ACTN4: variants seen among roughly 807,000 people sequenced by gnomAD.
The protein encoded by ACTN4 is actinin alpha 4, also known as alpha-actinin-4.
In ACTN4, 18 loss-of-function variants were observed where a neutral mutation model predicts 114.2. The observed-to-expected ratio is 0.16, with a 90% CI of 0.11 to 0.23. The LOEUF (loss-of-function observed/expected upper bound fraction) is 0.23. Among genes scored for constraint, ACTN4 ranks in the 10% least tolerant of loss-of-function variants. ACTN4 has a pLI of 1.00. For missense variants in ACTN4, 722 were observed against 1,262.9 expected (o/e 0.57, Z 6.49); for synonymous variants, 515 against 506.3 (o/e 1.02, Z -0.23).
intron 1 of ACTN4, among the ~76,000 whole-genome samples, chr19:38,678,237 G>A (rs1272041282): frequency 6.6e-6 from 1 of 152,190 alleles, no homozygotes; most frequent in African/African-American, 2.4e-5. Flanking sequence ...TGGCTAAAAC[G>A]CTGTAGACCT....
chr19:38,728,845 G>T, intron 19 of ACTN4, 151 bp from the exon 20 acceptor site: 1 of 1,002,712 alleles, frequency 1.0e-6, no homozygotes, highest in Non-Finnish European at 1.5e-6. Context: ...CCGGGGCCAA[G>T]GCTGCTGGAG....
chr19:38,661,501 C>A (rs1976885031), intron 1 of ACTN4, among the ~76,000 whole-genome samples: 1 of 152,168 alleles, frequency 6.6e-6, no homozygotes, highest in South Asian at 2.1e-4. Context: ...TCCTTTGGTC[C>A]CATCAAGAGG....
At chr19:38,687,121 G>A (rs1411227476) in intron 1 of ACTN4, among the ~76,000 whole-genome samples, 9 of 151,890 alleles carry the variant, frequency 5.9e-5, no homozygotes, top group Non-Finnish European at 5.9e-5. Context: ...GTGCCACCAC[G>A]TCTGGCTAAT....
intron 17 of ACTN4, 28 bp from the exon 18 acceptor site, chr19:38,726,929 C>T (rs1432890288): frequency 6.2e-7 from 1 of 1,612,942 alleles, no homozygotes; most frequent in African/African-American, 1.3e-5. Flanking sequence ...AGCACCCGGC[C>T]CACGATCACG....
intron 3 of ACTN4, among the ~76,000 whole-genome samples, chr19:38,703,522 G>T (rs1239137301): frequency 6.6e-6 from 1 of 152,168 alleles, no homozygotes; most frequent in Non-Finnish European, 1.5e-5. Context: ...CTAAACAGGC[G>T]TGAGCCACCA....
At chr19:38,704,135 A>G (rs1203184973) in intron 3 of ACTN4, among the ~76,000 whole-genome samples, 1 of 152,074 alleles carries the variant, frequency 6.6e-6, no homozygotes, top group Non-Finnish European at 1.5e-5. Flanking sequence ...ACATAATAAG[A>G]CCCAGCCTCT....
chr19:38,674,352 C>T (rs944055505), intron 1 of ACTN4, among the ~76,000 whole-genome samples: 8 of 152,098 alleles, frequency 5.3e-5, no homozygotes, highest in Non-Finnish European at 4.4e-5. Context: ...CCAGAATGTG[C>T]CGGTAGCGAG....
At chr19:38,652,692 A>G (rs997590187) in intron 1 of ACTN4, among the ~76,000 whole-genome samples, 12 of 151,964 alleles carry the variant, frequency 7.9e-5, no homozygotes, top group African/African-American at 2.9e-4. Context: ...TGTGGGGGGG[A>G]AAGTTCAGTG....
intron 1 of ACTN4, among the ~76,000 whole-genome samples, chr19:38,690,248 G>A (rs1474747118): frequency 1.3e-5 from 2 of 152,198 alleles, no homozygotes; most frequent in South Asian, 2.1e-4. Context: ...TTTGGCTTGA[G>A]CTGAGCTTTC....
rs549485261 is a variant in ACTN4, at chr19:38,698,056, T to G, written c.163-2544T>G. Among the ~76,000 whole-genome samples, 7 of 151,048 alleles carry G rather than the reference T, an allele frequency of 4.6e-5. No homozygotes were observed. The South Asian group carries it at 1.5e-3, about 32-fold the overall frequency. ...AACATCCAATAAGACTAAAAGTGACTGGGGGTTGCTACGGGAGAGGTGCTG... is the reference window on the plus strand; with the variant it reads ...AACATCCAATAAGACTAAAAGTGACGGGGGGTTGCTACGGGAGAGGTGCTG... On this transcript the variant is annotated intron_variant, in intron 1 of 20. Coordinates refer to ENST00000252699, the MANE Select transcript of ACTN4 (RefSeq NM_004924.6).
chr19:38,674,898 G>A (rs879405031), intron 1 of ACTN4, among the ~76,000 whole-genome samples: 6 of 152,152 alleles, frequency 3.9e-5, no homozygotes, highest in East Asian at 1.9e-4. Context: ...TCGTGATATC[G>A]CTGATTCAGT....
intron 1 of ACTN4, among the ~76,000 whole-genome samples, chr19:38,658,824 T>C (rs970172817): frequency 5.3e-5 from 8 of 152,044 alleles, no homozygotes; most frequent in African/African-American, 1.9e-4. Flanking sequence ...TGTGAGGCAG[T>C]TACTTTTTTT....
chr19:38,728,132 A>G (rs567916196), intron 19 of ACTN4, 106 bp downstream of exon 19: 1 of 1,409,810 alleles, frequency 7.1e-7, no homozygotes, highest in East Asian at 2.5e-5. Context: ...CCTGTGTGCC[A>G]TCTCATGGCT....
intron 1 of ACTN4, among the ~76,000 whole-genome samples, chr19:38,691,411 AAAAC>A (rs1967921702): frequency 1.3e-5 from 2 of 149,124 alleles, no homozygotes. Context: ...CAAAAAAAAA[AAAAC>A]AAAAAAAACA....
At chr19:38,708,494 G>A (rs1968534981) in intron 6 of ACTN4, among the ~76,000 whole-genome samples, 1 of 152,144 alleles carries the variant, frequency 6.6e-6, no homozygotes, top group Admixed American at 6.5e-5. Flanking sequence ...TCAATCTTCT[G>A]GATTCTAGAA....
At chr19:38,712,021 G>A (rs1214433081) in intron 8 of ACTN4, among the ~76,000 whole-genome samples, 4 of 152,220 alleles carry the variant, frequency 2.6e-5, no homozygotes, top group East Asian at 1.9e-4. Context: ...CAGCATTCCC[G>A]ATGCCTGCTT....
Position 38,671,484 on chromosome 19 carries a change from C to T in ACTN4, c.162+23577C>T, listed in dbSNP as rs1403469804. On this transcript the variant is annotated intron_variant, in intron 1 of 20. Coordinates refer to ENST00000252699, the MANE Select transcript of ACTN4 (RefSeq NM_004924.6). The stretch of plus-strand genomic sequence containing the variant: ...CAGAAATAGTTTCTTTAGGATTGAT[C>T]TCTTAAATTTGACTTTGGGAAGATA... Among the ~76,000 whole-genome samples, 4 of 152,222 alleles carry T rather than the reference C, an allele frequency of 2.6e-5. 1 individual carries two copies. Among genetic ancestry groups the T allele is most frequent in the Middle Eastern group, 6.8e-3 (2 of 294 alleles).
intron 11 of ACTN4, among the ~76,000 whole-genome samples, chr19:38,719,614 A>T (rs1568739818): frequency 1.3e-5 from 2 of 152,232 alleles, no homozygotes; most frequent in East Asian, 3.8e-4. Context: ...GTTAGCACCG[A>T]TGCCATCTTG....
chr19:38,721,822 T>C (rs771143756), intron 12 of ACTN4, 134 bp downstream of exon 12: 1 of 1,332,440 alleles, frequency 7.5e-7, no homozygotes, highest in South Asian at 1.2e-5. Flanking sequence ...CTGCACCTCC[T>C]TCCAGAAGCC....
Sources: gnomAD v4.1 joint callset for allele counts (sites outside exome capture counted in the v4.1 genomes callset) on GRCh38, gnomAD v4.1.1 for gene constraint, MANE v1.5 for transcripts, NCBI Gene and HGNC (gene_info 2026-07-23, HGNC 2026-07-21) for gene names.